SANBR: variants seen among roughly 807,000 people sequenced by gnomAD.
SANBR encodes SANT and BTB domain regulator of class switch recombination.
Under a neutral mutation model 101.8 loss-of-function variants are expected in SANBR, and 77 were observed. That is an observed-to-expected ratio of 0.76 (90% CI 0.63 to 0.91). The LOEUF (loss-of-function observed/expected upper bound fraction) is 0.91. Among genes scored for constraint, SANBR ranks in the 40% least tolerant of loss-of-function variants. The pLI, the probability that SANBR is intolerant of heterozygous loss-of-function variation, is 0.00. For synonymous variants in SANBR, 279 were observed against 274.7 expected (o/e 1.02, Z -0.15); for missense variants, 875 against 853.0 (o/e 1.03, Z -0.32).
At chr2:61,091,994 C>T (rs1218910904) in intron 10 of SANBR, among the ~76,000 whole-genome samples, 2 of 152,122 alleles carry the variant, frequency 1.3e-5, no homozygotes, top group Non-Finnish European at 2.9e-5. Context: ...AGTACTAATA[C>T]ATGAATGATT....
chr2:61,089,708 A>G (rs992483031), intron 10 of SANBR: 2 of 152,228 alleles, frequency 1.3e-5, no homozygotes, highest in African/African-American at 4.8e-5. Context: ...CATAATACAT[A>G]TTTCTCTTTA....
downstream of SANBR, among the ~76,000 whole-genome samples, chr2:61,126,085 C>T (rs999009602): frequency 1.3e-5 from 2 of 152,212 alleles, no homozygotes; most frequent in African/African-American, 4.8e-5. Context: ...GTATCTCCAA[C>T]TTAATTAACA....
At chr2:61,117,976 A>C in intron 19 of SANBR, 52 bp from the exon 20 acceptor site, 4 of 1,342,548 alleles carry the variant, frequency 3.0e-6, no homozygotes, top group Non-Finnish European at 3.1e-6. Flanking sequence ...AGAAATAAAA[A>C]GTTATATATC....
chr2:61,129,166 G>A (rs912515604), downstream of SANBR, among the ~76,000 whole-genome samples: 9 of 151,846 alleles, frequency 5.9e-5, no homozygotes, highest in East Asian at 1.9e-4. Flanking sequence ...TGAGGCATCC[G>A]GGCACGGTGG....
Position 61,088,475 on chromosome 2 carries a change from T to C in SANBR, c.1088+7T>C. ...TTGTCTATATTCACATAAGGTGTCG[T>C]GAAGATAAAATACATACATGTATTT... On this transcript the variant is annotated splice_region_variant and intron_variant, in intron 10 of 21. Transcript: ENST00000402291. 1 of 1,566,394 alleles carries C rather than the reference T, an allele frequency of 6.4e-7. No individual in the cohort carries two copies. Among genetic ancestry groups the C allele is most frequent in the Non-Finnish European group, 8.7e-7 (1 of 1,147,570 alleles).
intron 21 of SANBR, among the ~76,000 whole-genome samples, chr2:61,136,796 C>A (rs1684864486): frequency 6.6e-6 from 1 of 151,624 alleles, no homozygotes; most frequent in Non-Finnish European, 1.5e-5. Context: ...ATGGTGAAAC[C>A]CTGCACCTAC....
intron 17 of SANBR, among the ~76,000 whole-genome samples, chr2:61,116,779 A>G (rs546473295): frequency 1.3e-5 from 2 of 152,266 alleles, no homozygotes; most frequent in South Asian, 4.1e-4. Context: ...CTGGCTGGGC[A>G]TGATCACTCA....
At chr2:61,095,751 G>A (rs1224101753) in intron 11 of SANBR, among the ~76,000 whole-genome samples, 14 of 152,092 alleles carry the variant, frequency 9.2e-5, no homozygotes, top group Admixed American at 9.2e-4. Context: ...CAGTACTATA[G>A]CTTTTCATCC....
chr2:61,101,066 C>T (rs897929709), intron 12 of SANBR, among the ~76,000 whole-genome samples: 5 of 152,122 alleles, frequency 3.3e-5, no homozygotes, highest in Admixed American at 6.6e-5. Flanking sequence ...TATTTGCAAT[C>T]GGTCACCAAC....
intron 13 of SANBR, among the ~76,000 whole-genome samples, chr2:61,106,156 C>T (rs1256026684): frequency 6.6e-6 from 1 of 151,806 alleles, no homozygotes; most frequent in Non-Finnish European, 1.5e-5. Context: ...ATTTTGGGAG[C>T]CAAGGCGGGT....
chr2:61,121,474 A>AT, intron 21 of SANBR, 198 bp downstream of exon 21: 1 of 425,202 alleles, frequency 2.4e-6, no homozygotes, highest in Non-Finnish European at 4.4e-6. Flanking sequence ...AGCTTTGTGG[A>AT]TTTTTTAAAG....
intron 10 of SANBR, among the ~76,000 whole-genome samples, chr2:61,091,251 C>T (rs2104900212): frequency 6.6e-6 from 1 of 152,122 alleles, no homozygotes; most frequent in Admixed American, 6.6e-5. Flanking sequence ...TAAGACCAGC[C>T]TGGGCAACAT....
At position 61,123,230 on chromosome 2, in the gene SANBR, GCAC is replaced by G; in HGVS notation, c.*1069_*1071del. On this transcript the variant is annotated 3_prime_UTR_variant, in exon 22 of 22. Transcript: ENST00000402291. ...GTAGGTCTCTGAAAAACTTTAAGAT[GCAC>G]TGTTTCTATTTTTTTAAGTCTTAAT... 16 of 969,826 alleles carry G rather than the reference GCAC, an allele frequency of 1.6e-5. No individual in the cohort carries two copies. Among genetic ancestry groups the G allele is most frequent in the Non-Finnish European group, 1.8e-5 (15 of 815,632 alleles). The allele number at this position is 969,826 out of a possible 1,614,324, so 60.1% of individuals were successfully genotyped here.
At position 61,106,656 on chromosome 2, in the gene SANBR, C is replaced by A. The variant is rs754597387; in HGVS notation, c.1605C>A (p.Leu535=). 1 of 1,558,646 alleles carries A rather than the reference C, an allele frequency of 6.4e-7. No individual in the cohort carries two copies. Among genetic ancestry groups the A allele is most frequent in the East Asian group, 2.3e-5 (1 of 43,732 alleles). Residue 535 remains leucine (L), a synonymous_variant, in exon 14 of 22, where the codon CTC becomes CTA. Transcript: ENST00000402291. ...CATGGGGTCCCAAAACTGGGGAGCT[C>A]AATGCTGTGAGTAGTTTTTTTTCAC... The part of the protein sequence containing the change: ...NTPWGPKTGE[L]NAFLSLKNWT...
chr2:61,070,719 ATTTATATATAATAT>A (rs1196499602), intron 3 of SANBR, among the ~76,000 whole-genome samples: 1 of 147,262 alleles, frequency 6.8e-6, no homozygotes, highest in Non-Finnish European at 1.5e-5. Flanking sequence ...TAGTATATAT[ATTTATATATAATAT>A]TTTATATATA....
At position 61,071,647 on chromosome 2, in the gene SANBR, G is replaced by T. The variant is rs771456748; in HGVS notation, c.192G>T (p.Ser64=). The T allele has an allele frequency of 5.7e-6, 9 of 1,581,222 alleles. No individual in the cohort carries two copies. Among genetic ancestry groups the T allele is most frequent in the Non-Finnish European group, 7.7e-6 (9 of 1,169,612 alleles). The change falls in exon 4 of 22, where the codon TCG becomes TCT. Residue 64 remains serine (S), a synonymous_variant. Coordinates refer to ENST00000402291, the MANE Select transcript of SANBR (RefSeq NM_001129993.3). ...ATGAATTAAAGAGCAGTGGAAGCTC[G>T]CCTGTTGACAACCAGTATAATTCCC... The part of the protein sequence containing the change: ...RFDELKSSGS[S]PVDNQYNSLM...
At chr2:61,109,852 A>C (rs975497714) in intron 16 of SANBR, among the ~76,000 whole-genome samples, 1 of 151,642 alleles carries the variant, frequency 6.6e-6, no homozygotes, top group African/African-American at 2.4e-5. Context: ...GGGGTTTCAC[A>C]ATGTTGATCA....
At position 61,073,465 on chromosome 2, in the gene SANBR, T is replaced by C. The variant is rs144280405; in HGVS notation, c.345T>C (p.His115=). The change falls in exon 5 of 22, where the codon CAT becomes CAC. Residue 115 remains histidine, a synonymous_variant. Transcript: ENST00000402291. ...GHDAVSKTGR[H]SIASTRNCSS... is the part of the protein sequence containing the mutation. ...TTTGTTTCTGTATTTAAGGAAGACA[T>C]AGTATAGCTTCCACAAGGAATTGTT... 4 of 1,525,262 alleles carry C rather than the reference T, an allele frequency of 2.6e-6. No homozygotes were observed. The highest frequency in any genetic ancestry group is 3.6e-6 in the Non-Finnish European group (4 of 1,110,984). The allele number at this position is 1,525,262 out of a possible 1,614,324, so 94.5% of individuals were successfully genotyped here.
intron 11 of SANBR, chr2:61,093,931 ATCTTATGTATAAATGCAGAGTTT>A: frequency 5.8e-6 from 1 of 171,262 alleles, no homozygotes; most frequent in Non-Finnish European, 1.2e-5. Flanking sequence ...TTCCTAATTA[ATCTTATGTATAAATGCAGAGTTT>A]TCGACAAATA....
Sources: gnomAD v4.1 joint callset for allele counts (sites outside exome capture counted in the v4.1 genomes callset) on GRCh38, gnomAD v4.1.1 for gene constraint, MANE v1.5 for transcripts, NCBI Gene and HGNC (gene_info 2026-07-23, HGNC 2026-07-21) for gene names.